MYO1E: variants seen among roughly 807,000 people sequenced by gnomAD.
MYO1E encodes the protein unconventional myosin-Ie.
MYO1E carries 68 observed loss-of-function variants against 151.1 expected under a neutral mutation model. The ratio of observed to expected loss-of-function variants is 0.45; its 90% confidence interval spans 0.37 to 0.55. The LOEUF (loss-of-function observed/expected upper bound fraction) is 0.55. Among genes scored for constraint, MYO1E ranks in the 20% least tolerant of loss-of-function variants. The pLI is 0.00. For missense variants in MYO1E, 1,363 were observed against 1,389.3 expected (o/e 0.98, Z 0.30); for synonymous variants, 601 against 501.7 (o/e 1.20, Z -2.64).
In MYO1E at chr15:59,138,297, G is replaced by A. The variant is rs756028440; in HGVS notation, c.3151C>T (p.Pro1051Ser). 5 of 1,614,224 alleles carry A rather than the reference G, an allele frequency of 3.1e-6. No homozygotes were observed. Among genetic ancestry groups the A allele is most frequent in the Admixed American group, 1.7e-5 (1 of 60,034 alleles). The change falls in exon 27 of 28, where the codon CCT becomes TCT. Residue 1051 changes from proline (P) to serine (S), a missense_variant. Coordinates refer to ENST00000288235, the MANE Select transcript of MYO1E (RefSeq NM_004998.4). ...GRPKPQPKPK[P>S]QVPQCKALYA... is the part of the protein sequence containing the mutation. ...AAAGCCTTGCACTGTGGCACCTGAG[G>A]CTTGGGCTTGGGCTGGGGCTTGGGT...
intron 12 of MYO1E, among the ~76,000 whole-genome samples, chr15:59,213,152 T>G (rs1381915475): frequency 2.1e-5 from 3 of 140,894 alleles, no homozygotes; most frequent in African/African-American, 7.7e-5. Context: ...ATTATTATTA[T>G]TATTATTATT....
chr15:59,185,209 C>T (rs996467476), intron 18 of MYO1E, among the ~76,000 whole-genome samples: 19 of 152,106 alleles, frequency 1.2e-4, no homozygotes, highest in Admixed American at 3.9e-4. Flanking sequence ...GGATGGTTTG[C>T]AAAGATTTTC....
At chr15:59,247,398 G>A (rs577156779) in intron 4 of MYO1E, among the ~76,000 whole-genome samples, 2 of 152,284 alleles carry the variant, frequency 1.3e-5, no homozygotes, top group East Asian at 1.9e-4. Flanking sequence ...TAAAGAAAGT[G>A]CATAAGGTTT....
intron 24 of MYO1E, 27 bp downstream of exon 24, chr15:59,161,046 T>C (rs2079535246): frequency 1.2e-6 from 2 of 1,612,402 alleles, no homozygotes; most frequent in African/African-American, 2.7e-5. Flanking sequence ...GCGGCAGTTC[T>C]GCCTGCAGGG....
At chr15:59,325,285 T>C (rs765210430) in intron 1 of MYO1E, among the ~76,000 whole-genome samples, 16 of 152,198 alleles carry the variant, frequency 1.1e-4, no homozygotes, top group Non-Finnish European at 2.1e-4. Context: ...TCCACCTACC[T>C]TGGCCTCCCA....
At chr15:59,347,374 G>A (rs1171084879) in intron 1 of MYO1E, among the ~76,000 whole-genome samples, 2 of 152,150 alleles carry the variant, frequency 1.3e-5, no homozygotes, top group African/African-American at 2.4e-5. Context: ...TGTCTTCCAC[G>A]AAACCGGTCC....
rs569846511 is a variant in MYO1E, at chr15:59,254,440, C to T, written c.332+1844G>A. On this transcript the variant is annotated intron_variant, in intron 4 of 27. Coordinates refer to ENST00000288235, the MANE Select transcript of MYO1E (RefSeq NM_004998.4). The stretch of plus-strand genomic sequence containing the variant: ...CTGGCCTCAAGTGATCCTCCTGCCC[C>T]CTGGCTTCCCAAAGTGCTAGTATTA... 2.6e-5 allele frequency among the ~76,000 whole-genome samples: 4 copies of T among 152,260 alleles called. No individual in the cohort carries two copies. The South Asian group carries it at 8.3e-4, about 32-fold the overall frequency.
At position 59,236,619 on chromosome 15, in the gene MYO1E, A is replaced by G. The variant is rs1566988453; in HGVS notation, c.386T>C (p.Ile129Thr). 1 of 1,613,946 alleles carries G rather than the reference A, an allele frequency of 6.2e-7. No homozygotes were observed. The highest frequency in any genetic ancestry group is 2.2e-5 in the East Asian group (1 of 44,868). Residue 129 changes from isoleucine (I) to threonine (T), a missense_variant, in exon 5 of 28, where the codon ATC becomes ACC. Ile to Thr is a moderately conservative substitution (Grantham distance 89, BLOSUM62 -1). Coordinates refer to ENST00000288235, the MANE Select transcript of MYO1E (RefSeq NM_004998.4). ...TVAAKYIMSY[I>T]SRVSGGGTKV... ...GGTCCCTCCTCCAGACACTCTGGAGATGTAGCTCATGATATATTTGGCAGC... is the reference window on the plus strand; with the variant it reads ...GGTCCCTCCTCCAGACACTCTGGAGGTGTAGCTCATGATATATTTGGCAGC...
intron 1 of MYO1E, among the ~76,000 whole-genome samples, chr15:59,280,089 C>T (rs550012056): frequency 6.6e-6 from 1 of 152,238 alleles, no homozygotes; most frequent in African/African-American, 2.4e-5. Flanking sequence ...TCAACTCAGT[C>T]TCCAATTCTT....
intron 1 of MYO1E, among the ~76,000 whole-genome samples, chr15:59,289,866 C>T (rs1035636537): frequency 6.6e-6 from 1 of 152,152 alleles, no homozygotes; most frequent in African/African-American, 2.4e-5. Context: ...CCTAGAAAAT[C>T]CAAGGAAATT....
At position 59,174,210 on chromosome 15, in the gene MYO1E, TTCTC is replaced by T; in HGVS notation, c.2076_2079del (p.Arg693SerfsTer8). On this transcript the variant is annotated frameshift_variant, in exon 20 of 28. Transcript: ENST00000288235. LOFTEE classifies it high-confidence loss of function. ...ATCACTCGAGCATACCCATCATACT[TTCTC>T]TCTCTCATCTCTTCTAAAAGAAATA... 6.2e-7 allele frequency: 1 copy of T among 1,613,952 alleles called. No individual in the cohort carries two copies. Among genetic ancestry groups the T allele is most frequent in the Non-Finnish European group, 8.5e-7 (1 of 1,179,888 alleles).
At chr15:59,152,225 C>T (rs1023897685) in intron 26 of MYO1E, among the ~76,000 whole-genome samples, 1 of 152,166 alleles carries the variant, frequency 6.6e-6, no homozygotes, top group Non-Finnish European at 1.5e-5. Flanking sequence ...GACCCTGTCT[C>T]AAAAAACAAA....
rs1171643908 is a variant in MYO1E, at chr15:59,256,415, T to C, written c.238-37A>G. The C allele has an allele frequency of 1.1e-5, 13 of 1,200,832 alleles. No individual in the cohort carries two copies. In the South Asian group the frequency reaches 2.0e-4, roughly 19 times the overall value. 74.4% of individuals were successfully genotyped at this position (1,200,832 alleles called of 1,614,324 possible). On this transcript the variant is annotated intron_variant, in intron 3 of 27. Transcript: ENST00000288235. Reference sequence around the variant, plus strand: ...AAAAATAATAATACATAAATAATAATAAAAATTTAAAAATAAAAACAAAAT... The same window carrying C: ...AAAAATAATAATACATAAATAATAACAAAAATTTAAAAATAAAAACAAAAT...
At chr15:59,324,054 T>G (rs1296661954) in intron 1 of MYO1E, among the ~76,000 whole-genome samples, 1 of 151,486 alleles carries the variant, frequency 6.6e-6, no homozygotes, top group Non-Finnish European at 1.5e-5. Flanking sequence ...TGAGGGATCC[T>G]CCCTTGTGCC....
At chr15:59,332,465 T>C (rs1027608131) in intron 1 of MYO1E, among the ~76,000 whole-genome samples, 1 of 152,206 alleles carries the variant, frequency 6.6e-6, no homozygotes, top group Non-Finnish European at 1.5e-5. Context: ...ATTTCCATTA[T>C]GTGGCTGACA....
At chr15:59,351,053 C>A (rs770288824) in intron 1 of MYO1E, among the ~76,000 whole-genome samples, 4 of 152,162 alleles carry the variant, frequency 2.6e-5, no homozygotes, top group Admixed American at 6.5e-5. Flanking sequence ...TCCACCACCA[C>A]GCCCAGCTAA....
In MYO1E at chr15:59,233,833, G is replaced by A. The variant is rs557260777; in HGVS notation, c.421-2042C>T. On this transcript the variant is annotated intron_variant, in intron 5 of 27. Transcript: ENST00000288235. Reference sequence around the variant, plus strand: ...TTACTGTCCAATAGGGAAGCCATAAGCTACCCCAACTGAGGTGTAACTGTA... The same window carrying A: ...TTACTGTCCAATAGGGAAGCCATAAACTACCCCAACTGAGGTGTAACTGTA... Among the ~76,000 whole-genome samples, 303 of 150,524 alleles carry A rather than the reference G, an allele frequency of 2.0e-3. 2 individuals are homozygous for A. Among genetic ancestry groups the A allele is most frequent in the African/African-American group, 7.0e-3 (286 of 40,964 alleles).
chr15:59,207,011 T>C (rs2079839825), intron 14 of MYO1E: 1 of 1,614,100 alleles, frequency 6.2e-7, no homozygotes, highest in Non-Finnish European at 8.5e-7. Context: ...TTCCTATGCC[T>C]GGGGATGGCC....
At chr15:59,300,932 A>C (rs895966906) in intron 1 of MYO1E, among the ~76,000 whole-genome samples, 2 of 138,770 alleles carry the variant, frequency 1.4e-5, no homozygotes, top group Non-Finnish European at 3.0e-5. Flanking sequence ...CACTGGCACC[A>C]TGCCAGCTCA....
Sources: allele counts gnomAD v4.1 joint callset (sites outside exome capture counted in the v4.1 genomes callset), GRCh38; gene constraint gnomAD v4.1.1; transcripts MANE v1.5; gene names NCBI Gene and HGNC (gene_info 2026-07-23, HGNC 2026-07-21).